Variants in PFDN1 observed in about 807,000 individuals in gnomAD.
PFDN1 encodes the protein prefoldin 1.
PFDN1 carries 6 observed loss-of-function variants against 17.3 expected under a neutral mutation model. The observed-to-expected ratio is 0.35, with a 90% CI of 0.19 to 0.69. PFDN1 has a LOEUF of 0.69. PFDN1 is among the 30% of genes least tolerant of loss of function. The pLI is 0.65. For synonymous variants in PFDN1, 58 were observed against 50.1 expected (o/e 1.16, Z -0.67); for missense variants, 113 against 146.2 (o/e 0.77, Z 1.17).
chr5:140,301,017 AAATAT>A (rs1765736428), intron 1 of PFDN1, among the ~76,000 whole-genome samples: 1 of 152,256 alleles, frequency 6.6e-6, no homozygotes, highest in Admixed American at 6.5e-5. Flanking sequence ...ATTAATGAGG[AAATAT>A]AATAAATATC....
chr5:140,252,497 C>A (rs1199280980), intron 3 of PFDN1, among the ~76,000 whole-genome samples: 1 of 152,198 alleles, frequency 6.6e-6, no homozygotes, highest in Non-Finnish European at 1.5e-5. Context: ...GACACCACCA[C>A]CAACTTCAAG....
intron 2 of PFDN1, chr5:140,281,918 C>T (rs1338235829): frequency 3.5e-5 from 6 of 171,854 alleles, no homozygotes; most frequent in Non-Finnish European, 1.2e-5. Flanking sequence ...CACAGTGGCT[C>T]ACACCTGTAA....
At chr5:140,269,227 G>C (rs1413661080) in intron 3 of PFDN1, among the ~76,000 whole-genome samples, 3 of 151,934 alleles carry the variant, frequency 2.0e-5, no homozygotes, top group Non-Finnish European at 2.9e-5. Flanking sequence ...TGCCCAGGCT[G>C]GTCTCGAACT....
intron 3 of PFDN1, among the ~76,000 whole-genome samples, chr5:140,258,392 G>A (rs1366232996): frequency 6.7e-6 from 1 of 148,920 alleles, no homozygotes; most frequent in Non-Finnish European, 1.5e-5. Flanking sequence ...CCTTTGTCCG[G>A]TTACCCCAGT....
chr5:140,267,496 G>A (rs755581366), intron 3 of PFDN1, among the ~76,000 whole-genome samples: 5 of 152,196 alleles, frequency 3.3e-5, no homozygotes, highest in Non-Finnish European at 7.3e-5. Context: ...GCCCTGTGGG[G>A]TTTGAGAAAA....
At chr5:140,247,497 C>A (rs972574500) in intron 3 of PFDN1, among the ~76,000 whole-genome samples, 3 of 152,184 alleles carry the variant, frequency 2.0e-5, no homozygotes, top group Non-Finnish European at 2.9e-5. Context: ...GTGGCATACA[C>A]AAATCTTTAT....
chr5:140,277,943 T>C (rs1765323437), intron 3 of PFDN1, among the ~76,000 whole-genome samples: 1 of 151,678 alleles, frequency 6.6e-6, no homozygotes, highest in African/African-American at 2.4e-5. Flanking sequence ...GTGCTGTGGC[T>C]CACACCTGTA....
chr5:140,245,829 C>G lies in PFDN1; in HGVS notation c.*145G>C, dbSNP rs1764821327. 1 of 643,682 alleles carries G rather than the reference C, an allele frequency of 1.6e-6. No individual in the cohort carries two copies. The highest frequency in any genetic ancestry group is 2.8e-6 in the Non-Finnish European group (1 of 358,634). The allele number at this position is 643,682 out of a possible 1,614,324, so 39.9% of individuals were successfully genotyped here. A position where few individuals can be genotyped will look rare whatever the true frequency, so the allele number is the denominator to read the frequency against. On this transcript the variant is annotated 3_prime_UTR_variant, in exon 4 of 4. Coordinates refer to ENST00000261813, the MANE Select transcript of PFDN1 (RefSeq NM_002622.5). ...CCAGGGCTGGGAAGCAAATGGGGCT[C>G]AGGGTGATGCAGAAAATGTGATGTT... is the stretch of plus-strand genomic sequence containing the variant.
chr5:140,297,660 C>CTATTT (rs1765674406), intron 2 of PFDN1, among the ~76,000 whole-genome samples: 1 of 152,150 alleles, frequency 6.6e-6, no homozygotes, highest in Non-Finnish European at 1.5e-5. Context: ...GGAAATAATA[C>CTATTT]CATTCTACTA....
At chr5:140,260,802 T>C (rs1369523543) in intron 3 of PFDN1, among the ~76,000 whole-genome samples, 1 of 148,702 alleles carries the variant, frequency 6.7e-6, no homozygotes, top group Admixed American at 6.8e-5. Context: ...TTATGTGAAT[T>C]TTACCTCACT....
At chr5:140,280,972 T>C (rs142010323) in intron 3 of PFDN1, 1 of 152,732 alleles carries the variant, frequency 6.5e-6, no homozygotes, top group Non-Finnish European at 1.5e-5. Context: ...AGTTAATTGG[T>C]TATAGCTTGC....
At chr5:140,298,978 T>C (rs1274112653) in intron 2 of PFDN1, among the ~76,000 whole-genome samples, 1 of 152,080 alleles carries the variant, frequency 6.6e-6, no homozygotes, top group East Asian at 1.9e-4. Context: ...CTCAAACCCC[T>C]AACCTCAGGG....
At chr5:140,248,621 C>T (rs1764866436) in intron 3 of PFDN1, among the ~76,000 whole-genome samples, 1 of 152,194 alleles carries the variant, frequency 6.6e-6, no homozygotes, top group Non-Finnish European at 1.5e-5. Context: ...CAATCTCTGC[C>T]AACTTGCTGC....
At chr5:140,273,554 T>A (rs1027863078) in intron 3 of PFDN1, among the ~76,000 whole-genome samples, 2 of 152,226 alleles carry the variant, frequency 1.3e-5, no homozygotes, top group Non-Finnish European at 2.9e-5. Flanking sequence ...CCTCCTATCC[T>A]GTTCTCTCGC....
chr5:140,247,264 T>C lies in PFDN1; in HGVS notation c.286-1207A>G, dbSNP rs150833553. Among the ~76,000 whole-genome samples, 503 of 151,998 alleles carry C rather than the reference T, an allele frequency of 3.3e-3. 3 individuals are homozygous for C. The highest frequency in any genetic ancestry group is 0.012 in the African/African-American group (488 of 41,446). The stretch of plus-strand genomic sequence containing the variant: ...TGGGACTCTAGGTGCACTGGGACTA[T>C]AGATGTGTACCACCATGCCCGGCTA... On this transcript the variant is annotated intron_variant, in intron 3 of 3. Transcript: ENST00000261813.
chr5:140,279,708 G>A (rs1765360528), intron 3 of PFDN1, among the ~76,000 whole-genome samples: 2 of 151,806 alleles, frequency 1.3e-5, no homozygotes, highest in Admixed American at 6.6e-5. Context: ...GAGATTGTAA[G>A]AAAAAAATCA....
intron 3 of PFDN1, among the ~76,000 whole-genome samples, chr5:140,246,654 T>C (rs1056068384): frequency 6.6e-6 from 1 of 152,178 alleles, no homozygotes; most frequent in Non-Finnish European, 1.5e-5. Flanking sequence ...AGCAGACCTT[T>C]TGGAGGCTTA....
At chr5:140,260,296 C>T (rs1765045298) in intron 3 of PFDN1, among the ~76,000 whole-genome samples, 1 of 152,070 alleles carries the variant, frequency 6.6e-6, no homozygotes, top group South Asian at 2.1e-4. Context: ...AATGGGGCAG[C>T]TGCTACAGAA....
intron 3 of PFDN1, among the ~76,000 whole-genome samples, chr5:140,273,168 C>A (rs1486679948): frequency 6.6e-6 from 1 of 151,550 alleles, no homozygotes; most frequent in East Asian, 1.9e-4. Flanking sequence ...TCGCTTGAAC[C>A]CAGGAGGCGG....
Sources: allele counts gnomAD v4.1 joint callset (sites outside exome capture counted in the v4.1 genomes callset), GRCh38; gene constraint gnomAD v4.1.1; transcripts MANE v1.5; gene names NCBI Gene and HGNC (gene_info 2026-07-23, HGNC 2026-07-21).